FGFR1: variants seen among roughly 807,000 people sequenced by gnomAD.
FGFR1 encodes FGFR1/PLAG1 fusion.
Under a neutral mutation model 93.7 loss-of-function variants are expected in FGFR1, and 18 were observed. The ratio of observed to expected loss-of-function variants is 0.19; its 90% CI spans 0.13 to 0.28. The LOEUF (loss-of-function observed/expected upper bound fraction) is 0.28. Among genes scored for constraint, FGFR1 ranks in the 10% least tolerant of loss-of-function variants. The pLI is 1.00. For missense variants in FGFR1, 731 were observed against 1,080.4 expected (o/e 0.68, Z 4.53); for synonymous variants, 448 against 429.3 (o/e 1.04, Z -0.54).
chr8:38,435,204 C>G (rs1440724792), intron 2 of FGFR1: 2 of 152,138 alleles, frequency 1.3e-5, no homozygotes, highest in Non-Finnish European at 1.5e-5. Context: ...ATGTCCAAGT[C>G]TCTCCTAGGA....
chr8:38,435,576 C>G (rs1038193947), intron 2 of FGFR1: 1 of 152,324 alleles, frequency 6.6e-6, no homozygotes, highest in Non-Finnish European at 1.5e-5. Flanking sequence ...GGGGGCATGA[C>G]TGCTCACTAG....
intron 2 of FGFR1, among the ~76,000 whole-genome samples, chr8:38,444,029 G>C (rs944529488): frequency 7.4e-6 from 1 of 134,342 alleles, no homozygotes; most frequent in African/African-American, 3.0e-5. Context: ...CCCCAGCCTG[G>C]GCAACAAGAA....
chr8:38,453,473 C>A (rs1020654800), intron 2 of FGFR1, among the ~76,000 whole-genome samples: 130 of 152,312 alleles, frequency 8.5e-4, no homozygotes, highest in African/African-American at 3.1e-3. Context: ...GGAACTTCCC[C>A]AAGAGCCAAC....
intron 2 of FGFR1, among the ~76,000 whole-genome samples, chr8:38,438,241 G>C (rs1001678522): frequency 4.6e-5 from 7 of 152,162 alleles, no homozygotes; most frequent in African/African-American, 1.2e-4. Flanking sequence ...GTATTTAAGA[G>C]TTAGAATTAT....
chr8:38,424,624 T>C lies in FGFR1; in HGVS notation c.821A>G (p.Glu274Gly), dbSNP rs727505369. The C allele has an allele frequency of 6.2e-7, 1 of 1,614,046 alleles. No homozygotes were observed. Among genetic ancestry groups the C allele is most frequent in the Non-Finnish European group, 8.5e-7 (1 of 1,179,888 alleles). Residue 274 changes from glutamate (E) to glycine (G), a missense_variant, in exon 7 of 18, where the codon GAG becomes GGG. Glu to Gly is a moderately conservative substitution (Grantham distance 98, BLOSUM62 -2). Around this residue, in one of 10 missense-constraint regions of FGFR1, gnomAD observed 109 missense variants for 249.4 expected, o/e 0.44. Transcript: ENST00000447712. The surrounding 1 kb of genome is among the most constrained non-coding windows in gnomAD (Gnocchi z 4.3). ...GTCACTGTACACCTTACACATGAAC[T>C]CCACGTTGCTACCCAGGGCCACTGT... ...NKTVALGSNV[E>G]FMCKVYSDPQ... is the part of the protein sequence containing the mutation.
At chr8:38,422,252 C>T (rs1017984822) in intron 7 of FGFR1, 47 of 473,588 alleles carry the variant, frequency 9.9e-5, no homozygotes, top group African/African-American at 6.6e-4. Flanking sequence ...ATGGGGCCGG[C>T]GGGCAGGGGC....
At position 38,426,311 on chromosome 8, in the gene FGFR1, CGGCACCCCGT is replaced by C; in HGVS notation, c.622-76_622-67del. On this transcript the variant is annotated intron_variant, in intron 5 of 17. Coordinates refer to ENST00000447712, the MANE Select transcript of FGFR1 (RefSeq NM_023110.3). The surrounding 1 kb of genome is among the most constrained non-coding windows in gnomAD (Gnocchi z 4.1). ...GAAAATGCAGGCCCCATGACAATGTCGGCACCCCGTGGCACCTGCCCTCCATATCAGAGCC... is the reference window on the plus strand; with the variant it reads ...GAAAATGCAGGCCCCATGACAATGTCGGCACCTGCCCTCCATATCAGAGCC... 1 of 1,606,900 alleles carries C rather than the reference CGGCACCCCGT, an allele frequency of 6.2e-7. No individual in the cohort carries two copies. Among genetic ancestry groups the C allele is most frequent in the Non-Finnish European group, 8.5e-7 (1 of 1,178,170 alleles).
intron 13 of FGFR1, among the ~76,000 whole-genome samples, 196 bp from the exon 14 acceptor site, chr8:38,415,097 C>CT (rs1409730212): frequency 6.6e-6 from 1 of 152,216 alleles, no homozygotes; most frequent in East Asian, 1.9e-4. Context: ...GCGCTCCTCC[C>CT]TTCCTTCCCC....
In FGFR1 at chr8:38,426,060, G is replaced by A. The variant is rs1356133478; in HGVS notation, c.745+62C>T. 3.7e-6 allele frequency: 6 copies of A among 1,611,478 alleles called. No individual in the cohort carries two copies. Among genetic ancestry groups the A allele is most frequent in the Non-Finnish European group, 3.4e-6 (4 of 1,178,930 alleles). The stretch of plus-strand genomic sequence containing the variant: ...CCTAAGAAACCTGGACACCCCGGCT[G>A]TGTTCTCCAAGCCTGGCTCTTCCCA... On this transcript the variant is annotated intron_variant, in intron 6 of 17. Coordinates refer to ENST00000447712, the MANE Select transcript of FGFR1 (RefSeq NM_023110.3). This position sits in a 1 kb window ranked among gnomAD's most constrained non-coding sequence, Gnocchi z 4.1.
intron 2 of FGFR1, among the ~76,000 whole-genome samples, chr8:38,441,062 G>A (rs1827270271): frequency 6.6e-6 from 1 of 151,046 alleles, no homozygotes; most frequent in Non-Finnish European, 1.5e-5. Context: ...CACCCGCCCC[G>A]AGACCCCCCA....
Position 38,413,763 on chromosome 8 carries a change from G to T in FGFR1, c.2334C>A (p.Pro778=), listed in dbSNP as rs1237435802. Residue 778 remains proline, a synonymous_variant, in exon 18 of 18, where the codon CCC becomes CCA. Transcript: ENST00000447712. This position sits in a 1 kb window ranked among gnomAD's most constrained non-coding sequence, Gnocchi z 4.2. ...DLSMPLDQYS[P]SFPDTRSSTC... ...TAGAGCTCCGGGTGTCGGGAAAGCT[G>T]GGGGAGTACTGGTCCAGGGGCATGG... 4 of 1,613,998 alleles carry T rather than the reference G, an allele frequency of 2.5e-6. No individual in the cohort carries two copies. The African/African-American group carries it at 5.3e-5, about 22-fold the overall frequency.
In FGFR1 at chr8:38,412,514, C is replaced by T. The variant is rs745778818; in HGVS notation, c.*1114G>A. 4.3e-6 allele frequency: 1 copy of T among 233,122 alleles called. No individual in the cohort carries two copies. The highest frequency in any genetic ancestry group is 6.0e-5 in the East Asian group (1 of 16,558). 14.4% of individuals were successfully genotyped at this position (233,122 alleles called of 1,614,324 possible). ...CTACTGCATGGATGGGGTTCCTGCC[C>T]TCGAAGCAGACATCTTCTTTTTCTG... On this transcript the variant is annotated 3_prime_UTR_variant, in exon 18 of 18. Transcript: ENST00000447712.
chr8:38,468,114 C>G lies in FGFR1; in HGVS notation c.-222G>C. The G allele has an allele frequency of 4.4e-6, 1 of 226,308 alleles. No homozygotes were observed. Among genetic ancestry groups the G allele is most frequent in the East Asian group, 6.2e-5 (1 of 16,128 alleles). The allele number at this position is 226,308 out of a possible 1,614,324, so 14.0% of individuals were successfully genotyped here. A position where few individuals can be genotyped will look rare whatever the true frequency, so the allele number is the denominator to read the frequency against. On this transcript the variant is annotated 5_prime_UTR_variant, in exon 1 of 18. Transcript: ENST00000447712. ...TCCTGGCGGGGTCGCAAGAGCTCCG[C>G]GGCCGGCGCTCGACTCCCGGCGGCG... is the stretch of plus-strand genomic sequence containing the variant.
chr8:38,450,456 C>T (rs1830698891), intron 2 of FGFR1, among the ~76,000 whole-genome samples: 1 of 152,158 alleles, frequency 6.6e-6, no homozygotes, highest in African/African-American at 2.4e-5. Flanking sequence ...GGCTCTCTGA[C>T]CCCAGACCTC....
At chr8:38,446,719 A>G (rs1456706870) in intron 2 of FGFR1, among the ~76,000 whole-genome samples, 2 of 152,108 alleles carry the variant, frequency 1.3e-5, no homozygotes, top group Non-Finnish European at 2.9e-5. Context: ...CTTCTTCATT[A>G]TTTATAAAAA....
At position 38,411,220 on chromosome 8, in the gene FGFR1, G is replaced by A. The variant is rs1004230937; in HGVS notation, c.*2408C>T. The A allele has an allele frequency of 2.4e-5, 5 of 205,022 alleles. No homozygotes were observed. The highest frequency in any genetic ancestry group is 6.9e-5 in the African/African-American group (3 of 43,756). 12.7% of individuals were successfully genotyped at this position (205,022 alleles called of 1,614,324 possible). On this transcript the variant is annotated 3_prime_UTR_variant, in exon 18 of 18. Coordinates refer to ENST00000447712, the MANE Select transcript of FGFR1 (RefSeq NM_023110.3). ...TGGGTGATTTGAGTAGTAACAGCAA[G>A]GACATCACTGTAATTATGATAGTGC... is the stretch of plus-strand genomic sequence containing the variant.
rs147176521 is a variant in FGFR1, at chr8:38,429,496, A to C, written c.358+186T>G. On this transcript the variant is annotated intron_variant, in intron 3 of 17. Coordinates refer to ENST00000447712, the MANE Select transcript of FGFR1 (RefSeq NM_023110.3). The surrounding 1 kb of genome is among the most constrained non-coding windows in gnomAD (Gnocchi z 4.4). ...GATCTCCGGCCCTGGGGCCCACCCC[A>C]CCTAGTCACCTCTCTGAGAGCCAAG... The C allele has an allele frequency of 2.7e-6, 2 of 745,370 alleles. No individual in the cohort carries two copies. Among genetic ancestry groups the C allele is most frequent in the South Asian group, 3.1e-5 (2 of 64,502 alleles). The allele number at this position is 745,370 out of a possible 1,614,324, so 46.2% of individuals were successfully genotyped here. A position where few individuals can be genotyped will look rare whatever the true frequency, so the allele number is the denominator to read the frequency against.
rs189013815 is a variant in FGFR1, at chr8:38,422,339, C to T, written c.937-398G>A. On this transcript the variant is annotated intron_variant, in intron 7 of 17. Coordinates refer to ENST00000447712, the MANE Select transcript of FGFR1 (RefSeq NM_023110.3). Reference sequence around the variant, plus strand: ...GGGGCTGCAGACACACACATGCACACGCATACACACACGCACATGTGCATA... The same window carrying T: ...GGGGCTGCAGACACACACATGCACATGCATACACACACGCACATGTGCATA... 96 of 436,004 alleles carry T rather than the reference C, an allele frequency of 2.2e-4. 1 individual carries two copies. Among genetic ancestry groups the T allele is most frequent in the Middle Eastern group, 2.0e-3 (3 of 1,482 alleles). The allele number at this position is 436,004 out of a possible 1,614,324, so 27.0% of individuals were successfully genotyped here. A position where few individuals can be genotyped will look rare whatever the true frequency, so the allele number is the denominator to read the frequency against.
At chr8:38,457,127 G>A (rs1000800777) in intron 2 of FGFR1, among the ~76,000 whole-genome samples, 2 of 152,212 alleles carry the variant, frequency 1.3e-5, no homozygotes, top group African/African-American at 4.8e-5. Flanking sequence ...GTAAATGGAT[G>A]TCACCAGCCT....
Sources: allele counts gnomAD v4.1 joint callset (sites outside exome capture counted in the v4.1 genomes callset), GRCh38; gene constraint gnomAD v4.1.1; regional missense constraint gnomAD v4.1.1; non-coding constraint Gnocchi (gnomAD v3.1); transcripts MANE v1.5; gene names NCBI Gene and HGNC (gene_info 2026-07-23, HGNC 2026-07-21).